LTBP1: variants seen among roughly 807,000 people sequenced by gnomAD.
LTBP1 encodes the protein latent-transforming growth factor beta-binding protein 1.
In LTBP1, 129 loss-of-function variants were observed where a neutral mutation model predicts 207.6. The ratio of observed to expected loss-of-function variants is 0.62; its 90% CI spans 0.54 to 0.72. The LOEUF is 0.72. Among genes scored for constraint, LTBP1 ranks in the 30% least tolerant of loss-of-function variants. The pLI, the probability that LTBP1 is intolerant of heterozygous loss-of-function variation, is 0.00. For missense variants in LTBP1, 2,281 were observed against 2,217.2 expected (o/e 1.03, Z -0.58); for synonymous variants, 963 against 833.7 (o/e 1.16, Z -2.67).
chr2:33,306,133 TTAAAC>T (rs1207343975), intron 22 of LTBP1, among the ~76,000 whole-genome samples: 3 of 152,198 alleles, frequency 2.0e-5, no homozygotes, highest in Non-Finnish European at 2.9e-5. Context: ...AAAAAAAAAT[TTAAAC>T]TAAACCTAAC....
At chr2:33,159,959 G>A (rs2084315140) in intron 5 of LTBP1, among the ~76,000 whole-genome samples, 1 of 152,046 alleles carries the variant, frequency 6.6e-6, no homozygotes, top group Non-Finnish European at 1.5e-5. Context: ...TCTGCTCACT[G>A]CCACCTCTGC....
intron 9 of LTBP1, among the ~76,000 whole-genome samples, chr2:33,231,986 T>C (rs1174165992): frequency 6.6e-6 from 1 of 151,920 alleles, no homozygotes; most frequent in African/African-American, 2.4e-5. Flanking sequence ...AGTTTTGGGG[T>C]AGGGGAGAGA....
chr2:33,053,455 G>A (rs931819495), intron 3 of LTBP1, among the ~76,000 whole-genome samples: 3 of 151,946 alleles, frequency 2.0e-5, no homozygotes, highest in Non-Finnish European at 4.4e-5. Context: ...GTATCATAAT[G>A]AGTATTATTG....
intron 3 of LTBP1, chr2:33,056,420 G>A (rs1237648922): frequency 2.8e-5 from 30 of 1,060,584 alleles, no homozygotes; most frequent in Non-Finnish European, 3.5e-5. Flanking sequence ...GGGCGATGGT[G>A]ACTTTGCCCA....
intron 2 of LTBP1, among the ~76,000 whole-genome samples, chr2:32,987,690 C>T (rs1683802921): frequency 6.6e-6 from 1 of 152,138 alleles, no homozygotes; most frequent in African/African-American, 2.4e-5. Context: ...AGGAAATACA[C>T]ACTGTTGTTA....
chr2:33,206,161 C>T (rs2089855611), intron 7 of LTBP1, among the ~76,000 whole-genome samples: 1 of 152,150 alleles, frequency 6.6e-6, no homozygotes, highest in African/African-American at 2.4e-5. Context: ...GGGCAGTGGA[C>T]AAGACAGACA....
rs151131628 is a variant in LTBP1 at position 33,245,126 on chromosome 2, C to T, written c.1999+1342C>T. On this transcript the variant is annotated intron_variant, in intron 10 of 33. Transcript: ENST00000404816. ...AACTCATGACCTCAGGTGATCCACC[C>T]GCCTCAGCCTCCCAAAGTGCTGGGA... 3.6e-3 allele frequency among the ~76,000 whole-genome samples: 547 copies of T among 152,188 alleles called. 6 individuals are homozygous for T. The highest frequency in any genetic ancestry group is 0.013 in the African/African-American group (522 of 41,536).
intron 5 of LTBP1, among the ~76,000 whole-genome samples, chr2:33,151,186 A>G (rs1483681774): frequency 6.6e-6 from 1 of 152,108 alleles, no homozygotes; most frequent in Non-Finnish European, 1.5e-5. Flanking sequence ...CCTTTTTGCT[A>G]TTGAAAATAA....
chr2:33,274,533 G>A (rs2093386209), intron 16 of LTBP1, among the ~76,000 whole-genome samples: 1 of 152,140 alleles, frequency 6.6e-6, no homozygotes, highest in African/African-American at 2.4e-5. Context: ...CATTATATGT[G>A]TCACTTTCAG....
At chr2:32,952,818 A>G (rs1332332709) in intron 2 of LTBP1, among the ~76,000 whole-genome samples, 1 of 152,200 alleles carries the variant, frequency 6.6e-6, no homozygotes. Context: ...GAAAGAGAGG[A>G]GAGTGAGGCT....
At chr2:33,140,656 T>TATTA (rs1355524943) in intron 5 of LTBP1, among the ~76,000 whole-genome samples, 2 of 143,602 alleles carry the variant, frequency 1.4e-5, no homozygotes, top group Non-Finnish European at 3.0e-5. Context: ...TTATTTATTT[T>TATTA]ATTAATTAAT....
At chr2:32,987,871 T>C (rs1319981658) in intron 2 of LTBP1, among the ~76,000 whole-genome samples, 2 of 152,180 alleles carry the variant, frequency 1.3e-5, no homozygotes, top group Non-Finnish European at 1.5e-5. Flanking sequence ...AATGATACCT[T>C]ATGGCACAAA....
intron 16 of LTBP1, among the ~76,000 whole-genome samples, chr2:33,274,326 A>C (rs13392154): frequency 0.42 from 62,439 of 150,074 alleles, 13,502 homozygotes; most frequent in African/African-American, 0.44. Flanking sequence ...TGTGACTCTA[A>C]ATTTAATTTC....
At chr2:33,110,438 C>T (rs1432575128) in intron 3 of LTBP1, 144 bp from the exon 4 acceptor site, 23 of 663,624 alleles carry the variant, frequency 3.5e-5, no homozygotes, top group South Asian at 3.0e-4. Flanking sequence ...GAGTGGTCAG[C>T]GACAGTATTT....
At chr2:33,292,980 G>A (rs140089609) in intron 19 of LTBP1, among the ~76,000 whole-genome samples, 180 bp from the exon 20 acceptor site, 5 of 152,282 alleles carry the variant, frequency 3.3e-5, no homozygotes, top group East Asian at 1.9e-4. Context: ...GTATAGAACC[G>A]TCATCCATTT....
intron 19 of LTBP1, among the ~76,000 whole-genome samples, chr2:33,284,948 A>G (rs993540318): frequency 2.6e-5 from 4 of 151,416 alleles, no homozygotes; most frequent in Middle Eastern, 3.4e-3. Flanking sequence ...TTCCCCAACT[A>G]TTACCCTCCT....
intron 3 of LTBP1, among the ~76,000 whole-genome samples, chr2:33,091,408 A>G (rs534624145): frequency 6.2e-4 from 94 of 152,314 alleles, no homozygotes; most frequent in Admixed American, 1.2e-3. Context: ...TGATGAAGCA[A>G]CTAAGCCAAA....
chr2:33,150,710 C>CTTTTTTTTTTTTTTTTTT (rs1176008947), intron 5 of LTBP1, among the ~76,000 whole-genome samples: 35 of 69,298 alleles, frequency 5.1e-4, no homozygotes, highest in Non-Finnish European at 6.7e-4. Flanking sequence ...TTTTCTTTTT[C>CTTTTTTTTTTTTTTTTTT]TTTTTTTTTT....
intron 3 of LTBP1, among the ~76,000 whole-genome samples, chr2:33,038,245 G>A (rs2076019012): frequency 6.6e-6 from 1 of 152,208 alleles, no homozygotes; most frequent in African/African-American, 2.4e-5. Flanking sequence ...TTGTTTTCGT[G>A]TTTACCCAAA....
Sources: gnomAD v4.1 joint callset for allele counts (sites outside exome capture counted in the v4.1 genomes callset) on GRCh38, gnomAD v4.1.1 for gene constraint, MANE v1.5 for transcripts, NCBI Gene and HGNC (gene_info 2026-07-23, HGNC 2026-07-21) for gene names.